Variants in SORBS2 observed in about 807,000 individuals in gnomAD.
The protein encoded by SORBS2 is sorbin and SH3 domain containing 2.
Under a neutral mutation model 97.7 loss-of-function variants are expected in SORBS2, and 46 were observed. The observed-to-expected ratio is 0.47, with a 90% CI of 0.37 to 0.60. SORBS2 has a LOEUF of 0.60. SORBS2 is among the 20% of genes least tolerant of loss of function. SORBS2 has a pLI of 0.00. For missense variants in SORBS2, 1,316 were observed against 1,282.3 expected (o/e 1.03, Z -0.40); for synonymous variants, 476 against 473.4 (o/e 1.01, Z -0.07).
At chr4:185,710,978 A>T (rs1337251658) in intron 2 of SORBS2, among the ~76,000 whole-genome samples, 1 of 144,704 alleles carries the variant, frequency 6.9e-6, no homozygotes, top group African/African-American at 2.4e-5. Context: ...TTTATTTTTT[A>T]TTTTTTTTAG....
At chr4:185,643,599 T>C (rs1405239098) in intron 4 of SORBS2, among the ~76,000 whole-genome samples, 1 of 151,996 alleles carries the variant, frequency 6.6e-6, no homozygotes, top group Non-Finnish European at 1.5e-5. Flanking sequence ...CGGACAATTG[T>C]GGGCCAGAAG....
At chr4:185,930,589 C>G (rs192800035) in intron 1 of SORBS2, among the ~76,000 whole-genome samples, 36 of 152,276 alleles carry the variant, frequency 2.4e-4, no homozygotes, top group Admixed American at 1.8e-3. Context: ...TGAGCCACTG[C>G]TCCCGGCCCT....
intron 1 of SORBS2, among the ~76,000 whole-genome samples, chr4:185,879,054 G>T (rs1452909580): frequency 6.6e-6 from 1 of 151,914 alleles, no homozygotes; most frequent in Non-Finnish European, 1.5e-5. Context: ...TAAGTTCTAG[G>T]GTACATGTGC....
intron 1 of SORBS2, among the ~76,000 whole-genome samples, chr4:185,878,315 G>T (rs1172833116): frequency 2.6e-5 from 4 of 152,132 alleles, no homozygotes; most frequent in African/African-American, 9.7e-5. Context: ...AATACATTTT[G>T]TACAATATCC....
At chr4:185,632,375 A>T (rs2096922209) in intron 4 of SORBS2, among the ~76,000 whole-genome samples, 1 of 152,226 alleles carries the variant, frequency 6.6e-6, no homozygotes, top group African/African-American at 2.4e-5. Context: ...CTAGGTTCTC[A>T]ACAAATATAA....
At chr4:185,735,824 C>T (rs911410520) in intron 2 of SORBS2, among the ~76,000 whole-genome samples, 21 of 152,098 alleles carry the variant, frequency 1.4e-4, no homozygotes, top group African/African-American at 3.1e-4. Flanking sequence ...CTTATTTAAC[C>T]GTTGCAATTA....
chr4:185,952,918 A>G (rs2099277868), intron 1 of SORBS2, among the ~76,000 whole-genome samples: 1 of 152,214 alleles, frequency 6.6e-6, no homozygotes, highest in Non-Finnish European at 1.5e-5. Flanking sequence ...TGTGTGTGTC[A>G]CATTCCCATT....
chr4:185,928,442 C>T (rs972885690), intron 1 of SORBS2, among the ~76,000 whole-genome samples: 10 of 152,302 alleles, frequency 6.6e-5, no homozygotes, highest in African/African-American at 2.4e-4. Flanking sequence ...CTTTGTCTAA[C>T]TCCCTGAACA....
chr4:185,650,470 G>A (rs2097294815), intron 2 of SORBS2, among the ~76,000 whole-genome samples: 1 of 152,144 alleles, frequency 6.6e-6, no homozygotes, highest in South Asian at 2.1e-4. Context: ...ACTAGCTGCA[G>A]TTGACTCGTC....
At chr4:185,821,049 G>A (rs2099196517) in intron 1 of SORBS2, among the ~76,000 whole-genome samples, 1 of 152,210 alleles carries the variant, frequency 6.6e-6, no homozygotes, top group South Asian at 2.1e-4. Context: ...GATTACTAAA[G>A]CACTGCCCAC....
chr4:185,719,667 A>G (rs2098496549), intron 2 of SORBS2, among the ~76,000 whole-genome samples: 1 of 152,258 alleles, frequency 6.6e-6, no homozygotes, highest in Non-Finnish European at 1.5e-5. Context: ...AGCACTTGAC[A>G]AGGTGAGAAA....
At chr4:185,845,661 C>T (rs541716157) in intron 1 of SORBS2, among the ~76,000 whole-genome samples, 5 of 151,958 alleles carry the variant, frequency 3.3e-5, no homozygotes, top group Non-Finnish European at 7.4e-5. Flanking sequence ...TGATAATAGG[C>T]TGGTATACAG....
chr4:185,732,355 G>A (rs1199756377), intron 2 of SORBS2, among the ~76,000 whole-genome samples: 1 of 152,160 alleles, frequency 6.6e-6, no homozygotes, highest in Non-Finnish European at 1.5e-5. Flanking sequence ...CCTATTACAA[G>A]CATGATCATA....
chr4:185,641,104 C>G (rs1246558336), intron 4 of SORBS2, among the ~76,000 whole-genome samples: 1 of 149,794 alleles, frequency 6.7e-6, no homozygotes, highest in Non-Finnish European at 1.5e-5. Flanking sequence ...ATGGATATAC[C>G]AAGTCCTGAT....
chr4:185,794,060 G>C (rs1184861965), intron 1 of SORBS2, among the ~76,000 whole-genome samples: 1 of 151,766 alleles, frequency 6.6e-6, no homozygotes, highest in Non-Finnish European at 1.5e-5. Flanking sequence ...AAAAGCATTT[G>C]TTTTACTTTC....
At chr4:185,701,092 CAT>C (rs1160694027) in intron 2 of SORBS2, among the ~76,000 whole-genome samples, 1 of 152,160 alleles carries the variant, frequency 6.6e-6, no homozygotes, top group Non-Finnish European at 1.5e-5. Flanking sequence ...TGTTAGTTGG[CAT>C]ATTTTAACAT....
chr4:185,764,753 C>T (rs10033419), intron 2 of SORBS2, among the ~76,000 whole-genome samples: 2,341 of 152,136 alleles, frequency 0.015, 63 homozygotes, highest in African/African-American at 0.054. Context: ...TTTATTGAGT[C>T]GTTCAAATGA....
chr4:185,642,412 T>C (rs907816378), intron 4 of SORBS2, among the ~76,000 whole-genome samples: 2 of 152,170 alleles, frequency 1.3e-5, no homozygotes, highest in African/African-American at 2.4e-5. Context: ...TAATTTTTTT[T>C]TTTAAATTTA....
chr4:185,672,648 CTTAAA>C (rs1325185003), intron 4 of SORBS2, among the ~76,000 whole-genome samples: 3 of 152,194 alleles, frequency 2.0e-5, no homozygotes, highest in African/African-American at 7.2e-5. Flanking sequence ...TAGTTTTCTT[CTTAAA>C]TTAATGAGCA....
Sources: allele counts gnomAD v4.1 joint callset (sites outside exome capture counted in the v4.1 genomes callset), GRCh38; gene constraint gnomAD v4.1.1; transcripts MANE v1.5; gene names NCBI Gene and HGNC (gene_info 2026-07-23, HGNC 2026-07-21).